The following DTD1 variants were observed in gnomAD, a reference collection of about 807,000 sequenced individuals.
DTD1 encodes the protein D-tyrosyl-tRNA deacylase 1 homolog.
DTD1 carries 13 observed loss-of-function variants against 25.6 expected under a neutral mutation model. The observed-to-expected ratio is 0.51, with a 90% CI of 0.33 to 0.81. The LOEUF (loss-of-function observed/expected upper bound fraction) is 0.81, where lower values mean the gene tolerates loss of function less well. Ranked by LOEUF, DTD1 falls within the 30% of genes least tolerant of loss-of-function variation. The pLI, the probability that DTD1 is intolerant of heterozygous loss-of-function variation, is 0.02. For synonymous variants in DTD1, 110 were observed against 103.6 expected, an observed-to-expected ratio of 1.06 and a Z score of -0.37; for missense variants, 193 against 266.4, an observed-to-expected ratio of 0.72 and a Z score of 1.92.
intron 4 of DTD1, among the ~76,000 whole-genome samples, chr20:18,713,582 C>A (rs1448534178): frequency 6.6e-6 from 1 of 152,208 alleles, no homozygotes; most frequent in Admixed American, 6.5e-5. Flanking sequence ...GGATCCTTAG[C>A]CTGGGTTCAC....
At chr20:18,691,619 A>G (rs1389440788) in intron 4 of DTD1, among the ~76,000 whole-genome samples, 1 of 152,204 alleles carries the variant, frequency 6.6e-6, no homozygotes, top group Non-Finnish European at 1.5e-5. Context: ...AGAGCGGGAA[A>G]GGAGGGAAGG....
At chr20:18,688,853 C>G (rs1193834292) in intron 4 of DTD1, among the ~76,000 whole-genome samples, 1 of 152,016 alleles carries the variant, frequency 6.6e-6, no homozygotes, top group Non-Finnish European at 1.5e-5. Context: ...GCAGGAAGTC[C>G]TTGCTCTGAT....
rs186643104 is a variant in DTD1 at position 18,749,859 on chromosome 20, A to C, written c.*19+5588A>C. Among the ~76,000 whole-genome samples, 35 of 152,364 alleles carry C rather than the reference A, an allele frequency of 2.3e-4. No homozygotes were observed. The East Asian group carries it at 5.4e-3, about 23-fold the overall frequency. ...ATTGCTACTCAGCGCATGGAGGCTC[A>C]TGAACAAGTTTAGATCGGCCCATGA... On this transcript the variant is annotated intron_variant, in intron 5 of 5. Coordinates refer to ENST00000377452, the MANE Select transcript of DTD1 (RefSeq NM_080820.6). The surrounding 1 kb of genome is among the most constrained non-coding windows in gnomAD (Gnocchi z 4.2).
intron 4 of DTD1, among the ~76,000 whole-genome samples, chr20:18,678,578 ACATAT>A (rs1210651386): frequency 1.3e-5 from 2 of 152,240 alleles, no homozygotes; most frequent in Admixed American, 1.3e-4. Flanking sequence ...AGATCTGAAA[ACATAT>A]CAGAAATACA....
intron 4 of DTD1, among the ~76,000 whole-genome samples, chr20:18,648,348 A>G (rs1161197179): frequency 6.6e-6 from 1 of 152,150 alleles, no homozygotes; most frequent in East Asian, 1.9e-4. Flanking sequence ...AGCCAATGAC[A>G]CCAGATTCTC....
intron 4 of DTD1, among the ~76,000 whole-genome samples, chr20:18,673,056 G>A (rs2060956666): frequency 1.3e-5 from 2 of 152,204 alleles, no homozygotes; most frequent in African/African-American, 4.8e-5. Flanking sequence ...TATCGAATTA[G>A]TGAATTGCAG....
At chr20:18,597,190 TG>T (rs2060615589) in intron 3 of DTD1, among the ~76,000 whole-genome samples, 5 of 130,094 alleles carry the variant, frequency 3.8e-5, no homozygotes, top group African/African-American at 1.4e-4. Context: ...TGTGTGTGTG[TG>T]TGTGTGTGTA....
intron 4 of DTD1, among the ~76,000 whole-genome samples, chr20:18,720,828 A>G (rs1244525173): frequency 6.6e-6 from 1 of 151,902 alleles, no homozygotes; most frequent in East Asian, 1.9e-4. Context: ...ACTGCACTCC[A>G]GCCTGGGCGA....
chr20:18,731,480 T>A lies in DTD1; in HGVS notation c.478-12620T>A, dbSNP rs188939378. 3.5e-3 allele frequency among the ~76,000 whole-genome samples: 526 copies of A among 152,348 alleles called. 1 individual carries two copies. Among genetic ancestry groups the A allele is most frequent in the African/African-American group, 0.012 (485 of 41,576 alleles). ...ATATCACATAATACCTGAAGGTGTA[T>A]AATGAAAAATAACACTCTCTGCCTG... On this transcript the variant is annotated intron_variant, in intron 4 of 5. Transcript: ENST00000377452.
chr20:18,634,900 CTTGCTGCATAT>C (rs1370811351), intron 4 of DTD1, among the ~76,000 whole-genome samples: 1 of 152,186 alleles, frequency 6.6e-6, no homozygotes, highest in Non-Finnish European at 1.5e-5. Flanking sequence ...GGAGCTCTCA[CTTGCTGCATAT>C]TTCAGTTTGG....
intron 4 of DTD1, among the ~76,000 whole-genome samples, chr20:18,740,926 T>C (rs2061275317): frequency 6.6e-6 from 1 of 152,198 alleles, no homozygotes; most frequent in Non-Finnish European, 1.5e-5. Flanking sequence ...GGCAGAATAG[T>C]CAAGAGAAAA....
intron 4 of DTD1, among the ~76,000 whole-genome samples, chr20:18,697,754 G>A (rs918595540): frequency 5.9e-5 from 9 of 152,126 alleles, no homozygotes; most frequent in Admixed American, 1.3e-4. Context: ...GCGCTATCTC[G>A]GCTCACTGCA....
intron 4 of DTD1, among the ~76,000 whole-genome samples, chr20:18,737,018 G>T (rs554455120): frequency 6.6e-6 from 1 of 152,274 alleles, no homozygotes; most frequent in East Asian, 1.9e-4. Context: ...TGCCGGTCCT[G>T]TCTGAAGTCT....
At chr20:18,634,540 C>T (rs568006707) in intron 4 of DTD1, among the ~76,000 whole-genome samples, 10 of 152,290 alleles carry the variant, frequency 6.6e-5, no homozygotes, top group Non-Finnish European at 1.0e-4. Flanking sequence ...TAGCGAAACA[C>T]GGTGCCTTCA....
intron 4 of DTD1, among the ~76,000 whole-genome samples, chr20:18,734,045 A>T (rs1438429837): frequency 1.3e-5 from 2 of 152,242 alleles, no homozygotes; most frequent in South Asian, 2.1e-4. Context: ...CAGTTTGAGA[A>T]AACAAATTAT....
chr20:18,639,253 G>A (rs1334941442), intron 4 of DTD1, among the ~76,000 whole-genome samples: 1 of 150,036 alleles, frequency 6.7e-6, no homozygotes, highest in Non-Finnish European at 1.5e-5. Context: ...GAAGCCAAGT[G>A]TTTCACTATT....
intron 4 of DTD1, among the ~76,000 whole-genome samples, chr20:18,733,042 G>C (rs1222661949): frequency 4.6e-5 from 7 of 152,184 alleles, no homozygotes; most frequent in African/African-American, 1.7e-4. Flanking sequence ...TAGGTATACA[G>C]GTGGTTTGTT....
At chr20:18,711,241 T>A (rs1301068809) in intron 4 of DTD1, among the ~76,000 whole-genome samples, 3 of 152,242 alleles carry the variant, frequency 2.0e-5, no homozygotes, top group Non-Finnish European at 4.4e-5. Flanking sequence ...AGGGGCCTTC[T>A]GCACAACTCC....
intron 4 of DTD1, among the ~76,000 whole-genome samples, chr20:18,640,882 C>T (rs1021911311): frequency 6.6e-5 from 10 of 152,264 alleles, no homozygotes; most frequent in Admixed American, 3.3e-4. Flanking sequence ...CTACCCGCTT[C>T]GGCCTCCCAA....
Sources: allele counts gnomAD v4.1 joint callset (sites outside exome capture counted in the v4.1 genomes callset), GRCh38; gene constraint gnomAD v4.1.1; non-coding constraint Gnocchi (gnomAD v3.1); transcripts MANE v1.5; gene names NCBI Gene and HGNC (gene_info 2026-07-23, HGNC 2026-07-21).